The following PTPRG variants were observed in gnomAD, a reference collection of about 807,000 sequenced individuals.
PTPRG encodes the protein protein tyrosine phosphatase receptor type G.
A neutral mutation model predicts 165.3 loss-of-function variants in PTPRG; 102 were observed. The observed-to-expected ratio is 0.62, with a 90% CI of 0.53 to 0.73. The LOEUF (loss-of-function observed/expected upper bound fraction) is 0.73. PTPRG is among the 30% of genes least tolerant of loss of function. The pLI, the probability that PTPRG is intolerant of heterozygous loss-of-function variation, is 0.00. For missense variants in PTPRG, 1,866 were observed against 1,861.4 expected (o/e 1.00, Z -0.05); for synonymous variants, 675 against 669.5 (o/e 1.01, Z -0.13).
At chr3:62,196,124 C>T (rs942131697) in intron 10 of PTPRG, among the ~76,000 whole-genome samples, 24 of 149,192 alleles carry the variant, frequency 1.6e-4, no homozygotes, top group African/African-American at 3.7e-4. Flanking sequence ...AGGCTGAGTG[C>T]GGTGGCTCAC....
chr3:61,699,154 A>G (rs906225742), intron 1 of PTPRG, among the ~76,000 whole-genome samples: 11 of 152,190 alleles, frequency 7.2e-5, no homozygotes, highest in Non-Finnish European at 1.3e-4. Context: ...CATGTACCCT[A>G]AAACTTAAAG....
rs1287050407 is a variant in PTPRG at position 62,281,642 on chromosome 3, A to G, written c.3845A>G (p.Lys1282Arg). The change falls in exon 27 of 30, where the codon AAA becomes AGA. Residue 1282 changes from lysine (K) to arginine (R), a missense_variant. Lys to Arg is a conservative substitution (Grantham distance 26). Coordinates refer to ENST00000474889, the MANE Select transcript of PTPRG (RefSeq NM_002841.4). Reference sequence around the variant, plus strand: ...GCCTTTACCGTCACCCTTATCAGCAAAGACAGACTGTGCCTCTCTAATGAA... The same window carrying G: ...GCCTTTACCGTCACCCTTATCAGCAGAGACAGACTGTGCCTCTCTAATGAA... ...CEAFTVTLIS[K>R]DRLCLSNEEQ... 6.2e-7 allele frequency: 1 copy of G among 1,605,046 alleles called. No individual in the cohort carries two copies. The highest frequency in any genetic ancestry group is 8.5e-7 in the Non-Finnish European group (1 of 1,176,244).
intron 2 of PTPRG, among the ~76,000 whole-genome samples, chr3:61,759,591 T>G (rs2033762892): frequency 1.3e-5 from 2 of 152,104 alleles, no homozygotes; most frequent in Admixed American, 1.3e-4. Context: ...CAGTCAAGGC[T>G]GGAGTGAACC....
At chr3:61,655,448 T>C (rs1702483784) in intron 1 of PTPRG, among the ~76,000 whole-genome samples, 1 of 152,206 alleles carries the variant, frequency 6.6e-6, no homozygotes, top group East Asian at 1.9e-4. Flanking sequence ...TGGCACATAG[T>C]AGATGTTCAG....
At chr3:62,194,601 G>T (rs1450620411) in intron 9 of PTPRG, among the ~76,000 whole-genome samples, 1 of 152,058 alleles carries the variant, frequency 6.6e-6, no homozygotes, top group Non-Finnish European at 1.5e-5. Flanking sequence ...GCAGATGATC[G>T]AGACCAGCCT....
intron 14 of PTPRG, among the ~76,000 whole-genome samples, chr3:62,239,327 T>C (rs929813339): frequency 2.0e-5 from 3 of 151,684 alleles, no homozygotes; most frequent in Non-Finnish European, 4.4e-5. Context: ...TTCGAGAAAT[T>C]CTTTTTTTTC....
intron 2 of PTPRG, among the ~76,000 whole-genome samples, chr3:61,826,617 G>A (rs1445111977): frequency 2.0e-5 from 3 of 152,156 alleles, no homozygotes; most frequent in African/African-American, 7.2e-5. Flanking sequence ...CAGATGTTTG[G>A]TGTTTGTGTT....
chr3:61,711,699 G>A (rs1232398607), intron 1 of PTPRG, among the ~76,000 whole-genome samples: 1 of 152,106 alleles, frequency 6.6e-6, no homozygotes, highest in Non-Finnish European at 1.5e-5. Flanking sequence ...TCTGACAAAG[G>A]GCTGATATCC....
chr3:62,277,435 C>A, intron 25 of PTPRG, 116 bp from the exon 26 acceptor site: 1 of 1,189,850 alleles, frequency 8.4e-7, no homozygotes, highest in Non-Finnish European at 1.2e-6. Flanking sequence ...ATGCCTTTCT[C>A]AATTATTTTA....
intron 2 of PTPRG, among the ~76,000 whole-genome samples, chr3:61,795,667 A>AAAAAAG (rs2035022483): frequency 7.2e-6 from 1 of 138,616 alleles, no homozygotes; most frequent in African/African-American, 2.7e-5. Flanking sequence ...AAAAAAAAAA[A>AAAAAAG]GTGGGAATAG....
At position 61,774,910 on chromosome 3, in the gene PTPRG, A is replaced by T. The variant is rs541263357; in HGVS notation, c.190+25928A>T. Among the ~76,000 whole-genome samples the T allele has an allele frequency of 2.0e-4, 31 of 152,010 alleles. No individual in the cohort carries two copies. In the South Asian group the frequency reaches 2.5e-3, roughly 12 times the overall value. On this transcript the variant is annotated intron_variant, in intron 2 of 29. Coordinates refer to ENST00000474889, the MANE Select transcript of PTPRG (RefSeq NM_002841.4). The stretch of plus-strand genomic sequence containing the variant: ...TGTTTGACCTTTTCCCAAAGTGGAG[A>T]ATGTATTCTTTTGTAATGCCCACTG...
chr3:62,161,501 C>T (rs1704759531), intron 7 of PTPRG, among the ~76,000 whole-genome samples: 1 of 152,196 alleles, frequency 6.6e-6, no homozygotes, highest in South Asian at 2.1e-4. Flanking sequence ...TATCTCAAGG[C>T]CACGACAACT....
chr3:61,805,008 G>T (rs2035369471), intron 2 of PTPRG, among the ~76,000 whole-genome samples: 1 of 152,184 alleles, frequency 6.6e-6, no homozygotes, highest in Non-Finnish European at 1.5e-5. Context: ...TGTTTATGGT[G>T]GCTCCCAGCT....
At chr3:61,752,235 A>G (rs2033461881) in intron 2 of PTPRG, among the ~76,000 whole-genome samples, 1 of 152,170 alleles carries the variant, frequency 6.6e-6, no homozygotes, top group Admixed American at 6.5e-5. Context: ...ATGAGGGTTA[A>G]GCAGACTATC....
intron 2 of PTPRG, among the ~76,000 whole-genome samples, chr3:61,934,364 A>G (rs2039434901): frequency 1.3e-5 from 2 of 152,062 alleles, no homozygotes; most frequent in African/African-American, 2.4e-5. Context: ...TGACTGTGCT[A>G]TTCACAAAAT....
intron 5 of PTPRG, chr3:62,118,584 C>G (rs1477114838): frequency 1.3e-5 from 2 of 152,166 alleles, no homozygotes; most frequent in Non-Finnish European, 2.9e-5. Flanking sequence ...ATAATGACGA[C>G]TATTATTTTT....
At chr3:61,800,175 G>GATGGTGACAGGTGT (rs1417007157) in intron 2 of PTPRG, among the ~76,000 whole-genome samples, 1 of 152,150 alleles carries the variant, frequency 6.6e-6, no homozygotes, top group African/African-American at 2.4e-5. Context: ...GTTGTGGGGT[G>GATGGTGACAGGTGT]GGAGGGTAGG....
At position 61,905,097 on chromosome 3, in the gene PTPRG, C is replaced by T. The variant is rs116353449; in HGVS notation, c.191-84528C>T. On this transcript the variant is annotated intron_variant, in intron 2 of 29. Coordinates refer to ENST00000474889, the MANE Select transcript of PTPRG (RefSeq NM_002841.4). ...ATTCTCCCTGCTCGAAAGATTGCCA[C>T]ACTATAGATATTTGAAAATCAGATG... is the stretch of plus-strand genomic sequence containing the variant. Among the ~76,000 whole-genome samples the T allele has an allele frequency of 4.2e-3, 643 of 152,232 alleles. 7 individuals are homozygous for T. The highest frequency in any genetic ancestry group is 0.014 in the African/African-American group (595 of 41,536).
intron 5 of PTPRG, among the ~76,000 whole-genome samples, chr3:62,123,360 C>CT (rs1429016244): frequency 1.3e-5 from 2 of 152,186 alleles, no homozygotes; most frequent in Admixed American, 1.3e-4. Flanking sequence ...ATCCTCCCGT[C>CT]TCAGCCTCTG....
Sources: allele counts gnomAD v4.1 joint callset (sites outside exome capture counted in the v4.1 genomes callset), GRCh38; gene constraint gnomAD v4.1.1; transcripts MANE v1.5; gene names NCBI Gene and HGNC (gene_info 2026-07-23, HGNC 2026-07-21).